ARSG: variants seen among roughly 807,000 people sequenced by gnomAD.
The protein encoded by ARSG is arylsulfatase G.
In ARSG, 37 loss-of-function variants were observed where a neutral mutation model predicts 50.5. The observed-to-expected ratio is 0.73, with a 90% CI of 0.56 to 0.96. The LOEUF (loss-of-function observed/expected upper bound fraction) is 0.96, where lower values mean the gene tolerates loss of function less well. Among genes scored for constraint, ARSG ranks in the 50% least tolerant of loss-of-function variants. The pLI, the probability that ARSG is intolerant of heterozygous loss-of-function variation, is 0.00. For synonymous variants in ARSG, 225 were observed against 254.6 expected (o/e 0.88, Z 1.11); for missense variants, 629 against 675.3 (o/e 0.93, Z 0.76).
chr17:68,412,808 C>G (rs1261060878), intron 11 of ARSG, among the ~76,000 whole-genome samples: 1 of 152,050 alleles, frequency 6.6e-6, no homozygotes, highest in East Asian at 1.9e-4. Context: ...TTCTTGGAGG[C>G]TTTGCTCATT....
chr17:68,329,476 AACAG>A (rs1257815674), intron 2 of ARSG, among the ~76,000 whole-genome samples: 1 of 152,186 alleles, frequency 6.6e-6, no homozygotes, highest in Non-Finnish European at 1.5e-5. Context: ...CTGGGCGGGT[AACAG>A]ACAGAGCCCA....
At chr17:68,331,716 T>C (rs2077780582) in intron 2 of ARSG, among the ~76,000 whole-genome samples, 1 of 152,284 alleles carries the variant, frequency 6.6e-6, no homozygotes, top group Non-Finnish European at 1.5e-5. Context: ...TTTTCTATTT[T>C]CCCTAAGTGT....
the ARSG span, chr17:68,430,181 A>G: frequency 6.2e-7 from 1 of 1,603,052 alleles, no homozygotes; most frequent in East Asian, 2.2e-5. Context: ...ATGCACAGGC[A>G]ACGATGGGAC....
At chr17:68,276,087 C>A (rs527657708) in intron 1 of ARSG, among the ~76,000 whole-genome samples, 6 of 151,780 alleles carry the variant, frequency 4.0e-5, no homozygotes, top group African/African-American at 1.5e-4. Flanking sequence ...AGATAAATTT[C>A]TCTCTCTCTC....
chr17:68,272,356 T>C (rs375834549), intron 1 of ARSG, among the ~76,000 whole-genome samples: 1 of 152,192 alleles, frequency 6.6e-6, no homozygotes, highest in Non-Finnish European at 1.5e-5. Context: ...AGGTGAATAA[T>C]TGCAAATTAC....
the ARSG span, among the ~76,000 whole-genome samples, chr17:68,442,140 C>T: frequency 2.6e-5 from 4 of 152,108 alleles, no homozygotes; most frequent in Non-Finnish European, 4.4e-5. Flanking sequence ...TTCTGAACTA[C>T]AGAAAAACAA....
At position 68,304,475 on chromosome 17, in the gene ARSG, A is replaced by G. The variant is rs146551210; in HGVS notation, c.-551-2468A>G. Among the ~76,000 whole-genome samples the G allele has an allele frequency of 7.0e-3, 1,065 of 152,256 alleles. 51 individuals are homozygous for G. The highest frequency in any genetic ancestry group is 0.065 in the Admixed American group (995 of 15,282). On this transcript the variant is annotated intron_variant, in intron 1 of 11. Coordinates refer to ENST00000621439, the MANE Select transcript of ARSG (RefSeq NM_001267727.2). ...TTCCTTTTAGTTTGATTAAGTACAT[A>G]TTTGCCCATTCTTTTGGTTTTTATC...
chr17:68,368,646 T>C lies in ARSG; in HGVS notation c.803T>C (p.Leu268Pro), dbSNP rs2079668482. The part of the protein sequence containing the change: ...QLPAAPRGRS[L>P]YGAGLWEMDS... ...CCAGCAGCGCCACGGGGCAGAAGCCTGTATGGTGCAGGGCTCTGGGAGATG... is the reference window on the plus strand; with the variant it reads ...CCAGCAGCGCCACGGGGCAGAAGCCCGTATGGTGCAGGGCTCTGGGAGATG... Residue 268 changes from leucine (L) to proline (P), a missense_variant, in exon 7 of 12, where the codon CTG becomes CCG. Leu to Pro is a moderately conservative substitution (Grantham distance 98). Transcript: ENST00000621439. 3.7e-6 allele frequency: 6 copies of C among 1,614,100 alleles called. No homozygotes were observed. In the South Asian group the frequency reaches 5.5e-5, roughly 15 times the overall value.
At chr17:68,431,832 C>T in the ARSG span, among the ~76,000 whole-genome samples, 1 of 19,390 alleles carries the variant, frequency 5.2e-5, no homozygotes, top group Non-Finnish European at 1.1e-4. Flanking sequence ...TGCTCACAGA[C>T]AGAAACGGGA....
chr17:68,426,244 G>GT, downstream of ARSG: 1 of 985,756 alleles, frequency 1.0e-6, no homozygotes, highest in South Asian at 1.3e-5. Flanking sequence ...CTGGCGGGTG[G>GT]GGAGCGGGGG....
chr17:68,405,958 C>T (rs1034832055), intron 11 of ARSG, among the ~76,000 whole-genome samples: 13 of 152,064 alleles, frequency 8.5e-5, no homozygotes, highest in African/African-American at 1.4e-4. Context: ...AGTTCTTTAG[C>T]GGTGATTTGT....
At chr17:68,426,831 G>T (rs2083226457), downstream of ARSG, among the ~76,000 whole-genome samples, 1 of 152,184 alleles carries the variant, frequency 6.6e-6, no homozygotes, top group South Asian at 2.1e-4. Context: ...CAATGTGCCT[G>T]GCCTCATTGG....
the ARSG span, chr17:68,440,559 G>A: frequency 3.3e-5 from 5 of 152,184 alleles, no homozygotes; most frequent in African/African-American, 1.2e-4. Context: ...GAACATCTGA[G>A]CATATTTTCT....
the ARSG span, among the ~76,000 whole-genome samples, chr17:68,445,569 G>T: frequency 2.0e-5 from 3 of 152,066 alleles, 1 homozygote; most frequent in South Asian, 6.2e-4. Context: ...CCTCTCTCTG[G>T]TGCTTGCTCT....
At chr17:68,322,597 T>TA (rs1232452410) in intron 2 of ARSG, among the ~76,000 whole-genome samples, 2 of 151,450 alleles carry the variant, frequency 1.3e-5, no homozygotes, top group East Asian at 3.9e-4. Context: ...AGCCTGGCGA[T>TA]AGAGTGAGAC....
intron 9 of ARSG, 132 bp downstream of exon 9, chr17:68,385,304 A>T: frequency 1.4e-6 from 1 of 689,846 alleles, no homozygotes; most frequent in Non-Finnish European, 2.5e-6. Context: ...AAGGTCATTC[A>T]CCACTTGCCT....
At chr17:68,318,101 GAA>G (rs57091246) in intron 2 of ARSG, among the ~76,000 whole-genome samples, 118,717 of 147,568 alleles carry the variant, frequency 0.8, 47,894 homozygotes, top group Middle Eastern at 0.88. Flanking sequence ...CTCTGTCTTG[GAA>G]AAAAAAAAAA....
chr17:68,342,985 CA>C (rs1401387951), intron 2 of ARSG, among the ~76,000 whole-genome samples: 1 of 152,204 alleles, frequency 6.6e-6, no homozygotes, highest in African/African-American at 2.4e-5. Flanking sequence ...GGATTAAAAA[CA>C]TACAACGTTA....
intron 3 of ARSG, 96 bp downstream of exon 3, chr17:68,343,887 C>T: frequency 1.6e-6 from 2 of 1,289,010 alleles, no homozygotes; most frequent in Non-Finnish European, 2.1e-6. Context: ...CTTTCCTGTT[C>T]ATGTCTTGCT....
Sources: allele counts gnomAD v4.1 joint callset (sites outside exome capture counted in the v4.1 genomes callset), GRCh38; gene constraint gnomAD v4.1.1; transcripts MANE v1.5; gene names NCBI Gene and HGNC (gene_info 2026-07-23, HGNC 2026-07-21).